OSBPL9: variants seen among roughly 807,000 people sequenced by gnomAD.
OSBPL9 encodes oxysterol-binding protein-related protein 9.
Under a neutral mutation model 106.6 loss-of-function variants are expected in OSBPL9, and 40 were observed. The ratio of observed to expected loss-of-function variants is 0.38; its 90% CI spans 0.29 to 0.49. The LOEUF is 0.49. Ranked by LOEUF, OSBPL9 falls within the 20% of genes least tolerant of loss-of-function variation. The pLI is 0.97. For synonymous variants in OSBPL9, 269 were observed against 295.4 expected (o/e 0.91, Z 0.92); for missense variants, 609 against 887.2 (o/e 0.69, Z 3.98).
chr1:51,522,046 C>T, the OSBPL9 span, among the ~76,000 whole-genome samples: 1 of 152,108 alleles, frequency 6.6e-6, no homozygotes, highest in Non-Finnish European at 1.5e-5. Flanking sequence ...CGTGAGCCAC[C>T]GTGCCCGGCC....
chr1:51,784,274 A>G lies in OSBPL9; in HGVS notation c.1635A>G (p.Ser545=). Residue 545 remains serine, a synonymous_variant, in exon 19 of 24, where the codon TCA becomes TCG. Transcript: ENST00000428468. ...CCCTTCTCTCCACAGGCTGTGTCTC[A>G]TGTCTAGACTATGATGAACATTACA... ...GVHNIGQGCV[S]CLDYDEHYIL... The G allele has an allele frequency of 1.2e-6, 2 of 1,613,794 alleles. No homozygotes were observed. The highest frequency in any genetic ancestry group is 1.7e-6 in the Non-Finnish European group (2 of 1,179,680).
intron 1 of OSBPL9, among the ~76,000 whole-genome samples, chr1:51,588,287 C>G (rs1645257234): frequency 6.6e-6 from 1 of 152,196 alleles, no homozygotes; most frequent in Admixed American, 6.5e-5. Flanking sequence ...GAGGCTGAGG[C>G]AGGAGAATTG....
chr1:51,662,474 A>G (rs772202174), intron 2 of OSBPL9, among the ~76,000 whole-genome samples: 3 of 152,156 alleles, frequency 2.0e-5, no homozygotes, highest in African/African-American at 4.8e-5. Flanking sequence ...TTTAGATGCA[A>G]GTGAGTCTTC....
chr1:51,664,386 A>G (rs1006495389), intron 2 of OSBPL9, among the ~76,000 whole-genome samples: 1 of 152,148 alleles, frequency 6.6e-6, no homozygotes, highest in Non-Finnish European at 1.5e-5. Context: ...GTGTGAGTCC[A>G]TTTGTATACA....
chr1:51,775,020 TTTC>T (rs1480874912), intron 14 of OSBPL9, among the ~76,000 whole-genome samples: 2 of 152,340 alleles, frequency 1.3e-5, no homozygotes, highest in Non-Finnish European at 2.9e-5. Flanking sequence ...TTATCCATGT[TTTC>T]TTCTTCAGCA....
chr1:51,518,281 A>G, the OSBPL9 span: 101 of 152,572 alleles, frequency 6.6e-4, no homozygotes, highest in African/African-American at 2.3e-3. Context: ...TGAGAAGCAC[A>G]AGGACTGGAC....
At chr1:51,556,140 T>A in the OSBPL9 span, among the ~76,000 whole-genome samples, 3 of 151,960 alleles carry the variant, frequency 2.0e-5, no homozygotes, top group Non-Finnish European at 4.4e-5. Flanking sequence ...AAATAATAAC[T>A]CCCTGACAGT....
chr1:51,594,641 T>C (rs1328746536), intron 1 of OSBPL9, among the ~76,000 whole-genome samples: 1 of 152,184 alleles, frequency 6.6e-6, no homozygotes, highest in Non-Finnish European at 1.5e-5. Context: ...AAGATCCGTA[T>C]TGTCCTCATT....
chr1:51,591,595 T>A (rs1645275661), intron 1 of OSBPL9, among the ~76,000 whole-genome samples: 1 of 152,162 alleles, frequency 6.6e-6, no homozygotes, highest in African/African-American at 2.4e-5. Flanking sequence ...TCACTTGAGA[T>A]CAGGAGTTCA....
At chr1:51,638,351 A>G (rs979320600) in intron 1 of OSBPL9, among the ~76,000 whole-genome samples, 3 of 152,070 alleles carry the variant, frequency 2.0e-5, no homozygotes, top group Admixed American at 2.0e-4. Context: ...GCATAATGAC[A>G]TTTGGGGCTA....
chr1:51,692,619 C>T (rs906791326), intron 3 of OSBPL9, among the ~76,000 whole-genome samples: 3 of 149,520 alleles, frequency 2.0e-5, no homozygotes, highest in African/African-American at 7.3e-5. Context: ...TCTCTCTCTC[C>T]TTCCTTCCTT....
chr1:51,727,612 G>A (rs1387652499), intron 4 of OSBPL9, among the ~76,000 whole-genome samples: 1 of 152,184 alleles, frequency 6.6e-6, no homozygotes, highest in African/African-American at 2.4e-5. Flanking sequence ...TTTCTTAATC[G>A]TGGTGGTTAC....
intron 2 of OSBPL9, among the ~76,000 whole-genome samples, chr1:51,609,507 CTT>C (rs77430161): frequency 1.2e-4 from 16 of 133,328 alleles, no homozygotes; most frequent in Admixed American, 1.5e-4. Flanking sequence ...CCATGCCTGG[CTT>C]TTTTTTTTTT....
chr1:51,560,727 C>G, the OSBPL9 span, among the ~76,000 whole-genome samples: 1 of 152,172 alleles, frequency 6.6e-6, no homozygotes, highest in Non-Finnish European at 1.5e-5. Flanking sequence ...TGGTCCCCTC[C>G]TTTTTACCTT....
intron 2 of OSBPL9, among the ~76,000 whole-genome samples, chr1:51,603,223 T>A (rs995663580): frequency 6.6e-6 from 1 of 152,234 alleles, no homozygotes; most frequent in Non-Finnish European, 1.5e-5. Flanking sequence ...CACTTAAGTA[T>A]GAATAAGCAT....
At chr1:51,580,954 A>ATATATATATATATAT (rs869053368) in intron 1 of OSBPL9, among the ~76,000 whole-genome samples, 1 of 3,124 alleles carries the variant, frequency 3.2e-4, no homozygotes, top group Non-Finnish European at 6.0e-4. Context: ...ATATATATAT[A>ATATATATATATATAT]ACTTTTTTGA....
At chr1:51,748,689 T>TA (rs933859199) in intron 7 of OSBPL9, among the ~76,000 whole-genome samples, 27 of 152,164 alleles carry the variant, frequency 1.8e-4, no homozygotes, top group African/African-American at 4.6e-4. Context: ...TTTCATATTT[T>TA]AAAAAAAATA....
At chr1:51,764,860 C>T (rs899441450) in intron 11 of OSBPL9, among the ~76,000 whole-genome samples, 1 of 152,230 alleles carries the variant, frequency 6.6e-6, no homozygotes, top group African/African-American at 2.4e-5. Flanking sequence ...GCTGGAATTA[C>T]AGGCATGAGC....
intron 1 of OSBPL9, chr1:51,583,515 T>A (rs1645232286): frequency 6.6e-6 from 1 of 152,212 alleles, no homozygotes; most frequent in Admixed American, 6.5e-5. Flanking sequence ...GCTCCAAGAC[T>A]TCACTCTCGC....
Sources: gnomAD v4.1 joint callset for allele counts (sites outside exome capture counted in the v4.1 genomes callset) on GRCh38, gnomAD v4.1.1 for gene constraint, MANE v1.5 for transcripts, NCBI Gene and HGNC (gene_info 2026-07-23, HGNC 2026-07-21) for gene names.